CHD8: variants seen among roughly 807,000 people sequenced by gnomAD.
CHD8 encodes ATP-dependent chromatin remodeler CHD8.
In CHD8, 31 loss-of-function variants were observed where a neutral mutation model predicts 279.2. The observed-to-expected ratio is 0.11, with a 90% CI of 0.08 to 0.15. The LOEUF is 0.15. Ranked by LOEUF, CHD8 falls within the 10% of genes least tolerant of loss-of-function variation. The pLI is 1.00. For missense variants in CHD8, 2,146 were observed against 3,230.5 expected (o/e 0.66, Z 8.14); for synonymous variants, 1,081 against 1,139.6 (o/e 0.95, Z 1.04).
intron 1 of CHD8, among the ~76,000 whole-genome samples, chr14:21,448,669 G>A (rs1890182707): frequency 6.6e-6 from 1 of 151,796 alleles, no homozygotes; most frequent in African/African-American, 2.4e-5. Context: ...CGATTCTCCT[G>A]CCTCAGCCTC....
At chr14:21,401,323 AAAT>A (rs1888026557) in intron 21 of CHD8, 77 bp downstream of exon 21, 9 of 868,724 alleles carry the variant, frequency 1.0e-5, no homozygotes, top group African/African-American at 1.7e-5. Flanking sequence ...AATTAGCATC[AAAT>A]AATCAGAGTA....
chr14:21,385,804 A>G lies in CHD8; in HGVS notation c.7555T>C (p.Ser2519Pro). ...PGLRAPGYPS[S>P]PVTTASGTTL... ...GTACCAGAGGCGGTAGTCACTGGTG[A>G]AGAGGGGTAGCCAGGGGCTCTCAAG... The change falls in exon 38 of 38, where the codon TCA becomes CCA. Residue 2519 changes from serine to proline, a missense_variant. Transcript: ENST00000646647. The G allele has an allele frequency of 6.8e-7, 1 of 1,462,690 alleles. No homozygotes were observed. Among genetic ancestry groups the G allele is most frequent in the Non-Finnish European group, 9.2e-7 (1 of 1,090,442 alleles). The allele number at this position is 1,462,690 out of a possible 1,614,324, so 90.6% of individuals were successfully genotyped here. A position where few individuals can be genotyped will look rare whatever the true frequency, so the allele number is the denominator to read the frequency against.
intron 1 of CHD8, among the ~76,000 whole-genome samples, chr14:21,445,587 G>A (rs1890093090): frequency 6.6e-6 from 1 of 151,440 alleles, no homozygotes; most frequent in Non-Finnish European, 1.5e-5. Context: ...TACCTGGGAG[G>A]CTGAGGCAGG....
At chr14:21,392,134 CA>C in intron 34 of CHD8, 188 bp from the exon 35 acceptor site, 1 of 759,594 alleles carries the variant, frequency 1.3e-6, no homozygotes, top group Non-Finnish European at 2.4e-6. Flanking sequence ...AGAAAGATTT[CA>C]CTTCTTCACC....
In CHD8 at chr14:21,402,725, C is replaced by T. The variant is rs1284038971; in HGVS notation, c.3715-222G>A. On this transcript the variant is annotated intron_variant, in intron 18 of 37. Coordinates refer to ENST00000646647, the MANE Select transcript of CHD8 (RefSeq NM_001170629.2). This position sits in a 1 kb window ranked among gnomAD's most constrained non-coding sequence, Gnocchi z 4.5. ...GACATCTGTTTTTAAAAATAAAGTT[C>T]AATGGGGACACAGGTGGGACCACCC... 6.6e-6 allele frequency among the ~76,000 whole-genome samples: 1 copy of T among 152,120 alleles called. No homozygotes were observed. Among genetic ancestry groups the T allele is most frequent in the Non-Finnish European group, 1.5e-5 (1 of 68,020 alleles).
chr14:21,390,555 G>A (rs1423521269), intron 37 of CHD8, among the ~76,000 whole-genome samples: 1 of 152,142 alleles, frequency 6.6e-6, no homozygotes, highest in Non-Finnish European at 1.5e-5. Context: ...CGAGGCGGGT[G>A]GATCACGAGG....
chr14:21,402,149 A>G lies in CHD8; in HGVS notation c.3883-13T>C, dbSNP rs768083936. 16 of 1,580,802 alleles carry G rather than the reference A, an allele frequency of 1.0e-5. No homozygotes were observed. The highest frequency in any genetic ancestry group is 1.3e-5 in the Non-Finnish European group (15 of 1,165,700). The stretch of plus-strand genomic sequence containing the variant: ...AGAACTGTTGGATCTGTAAAAACCA[A>G]TAGAAAGATGAAAAGACTATCAAGA... On this transcript the variant is annotated splice_polypyrimidine_tract_variant and intron_variant, in intron 19 of 37. Coordinates refer to ENST00000646647, the MANE Select transcript of CHD8 (RefSeq NM_001170629.2). This position sits in a 1 kb window ranked among gnomAD's most constrained non-coding sequence, Gnocchi z 4.5.
At chr14:21,454,306 T>C (rs1462103976) in intron 1 of CHD8, among the ~76,000 whole-genome samples, 1 of 152,120 alleles carries the variant, frequency 6.6e-6, no homozygotes, top group African/African-American at 2.4e-5. Context: ...CACTGTTCCA[T>C]TATATCCCTT....
At chr14:21,415,206 G>A in intron 7 of CHD8, 1 of 508,998 alleles carries the variant, frequency 2.0e-6, no homozygotes, top group Non-Finnish European at 3.4e-6. Flanking sequence ...AGTAAAAGAA[G>A]CACCAGTAAA....
chr14:21,415,697 T>C (rs1165946239), intron 6 of CHD8, 28 bp downstream of exon 6: 10 of 1,613,232 alleles, frequency 6.2e-6, no homozygotes, highest in East Asian at 4.5e-5. Context: ...AAGGCAATCC[T>C]CTGAAATCAT....
chr14:21,408,795 A>G lies in CHD8; in HGVS notation c.2395T>C (p.Leu799=), dbSNP rs1298048070. 2 of 1,609,476 alleles carry G rather than the reference A, an allele frequency of 1.2e-6. No individual in the cohort carries two copies. The highest frequency in any genetic ancestry group is 1.3e-5 in the African/African-American group (1 of 74,848). Residue 799 remains leucine (L), a synonymous_variant, in exon 12 of 38, where the codon TTG becomes CTG. Coordinates refer to ENST00000646647, the MANE Select transcript of CHD8 (RefSeq NM_001170629.2). This position sits in a 1 kb window ranked among gnomAD's most constrained non-coding sequence, Gnocchi z 4.3. ...NRPQASAWKK[L]ELSHEYKNRN... is the part of the protein sequence containing the mutation. ...TTTTTATATTCATGTGATAGCTCCA[A>G]TTTCTTCCAGGCACTTGCCTGCGGA...
rs770193381 is a variant in CHD8, at chr14:21,401,028, C to T, written c.4217G>A (p.Arg1406His). Reference sequence around the variant, plus strand: ...ATCATCTTTCAGAGTGCTAAAGTGGCGCGTTTGTTTTCGTACTCTAGGTGT... The same window carrying T: ...ATCATCTTTCAGAGTGCTAAAGTGGTGCGTTTGTTTTCGTACTCTAGGTGT... The part of the protein sequence containing the change: ...IDTPRVRKQT[R>H]HFSTLKDDDL... Residue 1406 changes from arginine (R) to histidine (H), a missense_variant, in exon 22 of 38, where the codon CGC becomes CAC. Arg to His is a conservative substitution (Grantham distance 29). Around this residue, in one of 26 missense-constraint regions of CHD8, gnomAD observed 74 missense variants for 91.5 expected, o/e 0.81. Coordinates refer to ENST00000646647, the MANE Select transcript of CHD8 (RefSeq NM_001170629.2). 1.2e-6 allele frequency: 2 copies of T among 1,613,286 alleles called. No individual in the cohort carries two copies. Among genetic ancestry groups the T allele is most frequent in the African/African-American group, 1.3e-5 (1 of 74,980 alleles).
intron 27 of CHD8, among the ~76,000 whole-genome samples, 197 bp from the exon 28 acceptor site, chr14:21,396,089 T>C (rs1270011530): frequency 6.6e-6 from 1 of 152,004 alleles, no homozygotes; most frequent in Non-Finnish European, 1.5e-5. Flanking sequence ...CTCAACCTCC[T>C]GGACTCAAGC....
intron 9 of CHD8, chr14:21,413,643 C>T (rs570083823): frequency 6.5e-6 from 1 of 152,918 alleles, no homozygotes; most frequent in East Asian, 1.9e-4. Context: ...GATCTGCCTG[C>T]CTTGGCCTCC....
intron 37 of CHD8, among the ~76,000 whole-genome samples, chr14:21,387,659 A>G (rs1294562837): frequency 4.7e-5 from 7 of 148,968 alleles, no homozygotes; most frequent in Non-Finnish European, 1.0e-4. Flanking sequence ...AAAAAAAAAA[A>G]GCTGGGTGTG....
rs573031423 is a variant in CHD8, at chr14:21,394,466, T to C, written c.5410A>G (p.Thr1804Ala). 3.7e-5 allele frequency: 59 copies of C among 1,602,680 alleles called. No individual in the cohort carries two copies. In the South Asian group the frequency reaches 5.9e-4, roughly 16 times the overall value. ...GTAGACACCACTCGATAAAAATCAG[T>C]TTGTTCACGCCTTGTCCATCTACAA... ...KQQRWTRREQTDFYRVVSTFG... is the reference protein window; with the variant it reads ...KQQRWTRREQADFYRVVSTFG... Residue 1804 changes from threonine (T) to alanine (A), a missense_variant, in exon 31 of 38, where the codon ACT (threonine) becomes GCT (alanine). By Grantham distance (58) the Thr-to-Ala change is moderately conservative (BLOSUM62 0). This residue lies in a region of CHD8 where 513 missense variants were observed against 637.6 expected (regional missense o/e 0.80). Transcript: ENST00000646647.
chr14:21,415,784 G>A lies in CHD8; in HGVS notation c.1840C>T (p.Leu614Phe), dbSNP rs1243468651. 1.9e-6 allele frequency: 3 copies of A among 1,613,956 alleles called. No homozygotes were observed. In the Admixed American group the frequency reaches 5.0e-5, roughly 27 times the overall value. Residue 614 changes from leucine (L) to phenylalanine (F), a missense_variant, in exon 6 of 38, where the codon CTC (leucine) becomes TTC (phenylalanine). Physicochemically the swap from Leu to Phe is conservative, Grantham distance 22. Coordinates refer to ENST00000646647, the MANE Select transcript of CHD8 (RefSeq NM_001170629.2). ...VTGPIKPEPI[L>F]PEPVQEPDGE... is the part of the protein sequence containing the mutation. Reference sequence around the variant, plus strand: ...TCTGGTTCTTGCACTGGTTCAGGGAGGATAGGCTCAGGTTTTATTGGACCA... The same window carrying A: ...TCTGGTTCTTGCACTGGTTCAGGGAAGATAGGCTCAGGTTTTATTGGACCA...
chr14:21,400,232 G>A lies in CHD8; in HGVS notation c.4646C>T (p.Ala1549Val). The A allele has an allele frequency of 1.9e-6, 3 of 1,613,870 alleles. No individual in the cohort carries two copies. Among genetic ancestry groups the A allele is most frequent in the Non-Finnish European group, 2.5e-6 (3 of 1,179,872 alleles). The change falls in exon 24 of 38, where the codon GCA (alanine) becomes GTA (valine). Residue 1549 changes from alanine (A) to valine (V), a missense_variant. Physicochemically the swap from Ala to Val is moderately conservative, Grantham distance 64 (BLOSUM62 0). Transcript: ENST00000646647. This position sits in a 1 kb window ranked among gnomAD's most constrained non-coding sequence, Gnocchi z 4.2. ...KSQSTFDIHK[A>V]DWIRKYNPDT... ...AGGGTTATATTTCCGGATCCAATCT[G>A]CCTTATGGATATCAAAAGTGCTTTG... is the stretch of plus-strand genomic sequence containing the variant.
intron 27 of CHD8, chr14:21,397,106 AC>A (rs775859012): frequency 1.7e-4 from 37 of 212,336 alleles, no homozygotes; most frequent in Non-Finnish European, 2.9e-4. Flanking sequence ...TGTATGGTTC[AC>A]GCTTTTTTGT....
Sources: gnomAD v4.1 joint callset for allele counts (sites outside exome capture counted in the v4.1 genomes callset) on GRCh38, gnomAD v4.1.1 for gene constraint, gnomAD v4.1.1 regional missense constraint, Gnocchi (gnomAD v3.1) non-coding constraint, MANE v1.5 for transcripts, NCBI Gene and HGNC (gene_info 2026-07-23, HGNC 2026-07-21) for gene names.